The following RAF1 variants were observed in gnomAD, a reference collection of about 807,000 sequenced individuals.
The protein encoded by RAF1 is RAF proto-oncogene serine/threonine-protein kinase.
A neutral mutation model predicts 81.1 loss-of-function variants in RAF1; 27 were observed. The observed-to-expected ratio is 0.33, with a 90% confidence interval of 0.25 to 0.46. RAF1 has a LOEUF of 0.46. Ranked by LOEUF, RAF1 falls within the 20% of genes least tolerant of loss-of-function variation. The probability of loss-of-function intolerance (pLI) is 1.00; values close to 1 mark genes in which losing one functional copy is unlikely to be tolerated. For missense variants in RAF1, 598 were observed against 826.0 expected, an observed-to-expected ratio of 0.72 and a Z score of 3.38; for synonymous variants, 298 against 294.0, an observed-to-expected ratio of 1.01 and a Z score of -0.14.
At position 12,612,101 on chromosome 3, in the gene RAF1, G is replaced by A. The variant is rs769967651; in HGVS notation, c.208-39C>T. The stretch of plus-strand genomic sequence containing the variant: ...ACCACCTTTAGGACCAACACAGGCT[G>A]CAGCACCCCTTGGAAAGGTGGGCAC... On this transcript the variant is annotated intron_variant, in intron 2 of 17. Transcript: ENST00000442415. 2.6e-6 allele frequency: 4 copies of A among 1,516,422 alleles called. No homozygotes were observed. The South Asian group carries it at 3.4e-5, about 13-fold the overall frequency. The allele number at this position is 1,516,422 out of a possible 1,614,324, so 93.9% of individuals were successfully genotyped here. A position where few individuals can be genotyped will look rare whatever the true frequency, so the allele number is the denominator to read the frequency against.
chr3:12,639,316 T>C (rs745582860), intron 1 of RAF1, among the ~76,000 whole-genome samples: 29 of 152,100 alleles, frequency 1.9e-4, no homozygotes, highest in Non-Finnish European at 2.8e-4. Flanking sequence ...TGGCACCAGA[T>C]AGGGATGCCC....
At chr3:12,599,833 A>G (rs2058800968) in intron 10 of RAF1, 25 bp from the exon 10 acceptor site, 1 of 1,529,288 alleles carries the variant, frequency 6.5e-7, no homozygotes, top group Non-Finnish European at 9.1e-7. Flanking sequence ...GATCATTATT[A>G]TACTCCATGC....
At chr3:12,619,567 CAAA>C (rs544916552) in intron 1 of RAF1, among the ~76,000 whole-genome samples, 3 of 81,082 alleles carry the variant, frequency 3.7e-5, no homozygotes, top group Non-Finnish European at 5.3e-5. Flanking sequence ...CTCCATCTCC[CAAA>C]AAAAAAAAAA....
rs2059028663 is a variant in RAF1 at position 12,606,314 on chromosome 3, G to A, written c.582-15C>T. On this transcript the variant is annotated splice_polypyrimidine_tract_variant and intron_variant, in intron 5 of 17. Coordinates refer to ENST00000442415, the MANE Select transcript of RAF1 (RefSeq NM_001354689.3). ...TTGGAAACAATCTAAACAAAAGCAG[G>A]GAAAGACTGGTTTTTAGGCTTGCAG... 1 of 1,577,740 alleles carries A rather than the reference G, an allele frequency of 6.3e-7. No homozygotes were observed. Among genetic ancestry groups the A allele is most frequent in the Admixed American group, 1.7e-5 (1 of 59,648 alleles).
intron 5 of RAF1, among the ~76,000 whole-genome samples, chr3:12,607,446 G>C (rs189690160): frequency 6.6e-6 from 1 of 152,068 alleles, no homozygotes; most frequent in Non-Finnish European, 1.5e-5. Context: ...TCAGGAGTTC[G>C]AGACCAGCCT....
At chr3:12,643,752 A>T (rs1378681340) in intron 1 of RAF1, among the ~76,000 whole-genome samples, 3 of 152,178 alleles carry the variant, frequency 2.0e-5, no homozygotes, top group African/African-American at 2.4e-5. Flanking sequence ...AAAAAAAATA[A>T]AAATAAAAAC....
chr3:12,626,757 C>T (rs991599927), intron 1 of RAF1, among the ~76,000 whole-genome samples: 1 of 151,866 alleles, frequency 6.6e-6, no homozygotes, highest in African/African-American at 2.4e-5. Context: ...GGCGGGGTGG[C>T]TCACGCCTGT....
intron 13 of RAF1, chr3:12,588,971 C>T (rs2058417510): frequency 6.5e-6 from 1 of 152,964 alleles, no homozygotes; most frequent in African/African-American, 2.4e-5. Context: ...AGTCTGGGAC[C>T]TCCCTCCATG....
Position 12,663,688 on chromosome 3 carries a change from G to A in RAF1, c.-27+125C>T, listed in dbSNP as rs545433998. 2,963 of 388,338 alleles carry A rather than the reference G, an allele frequency of 7.6e-3. 37 individuals carry two copies. Among genetic ancestry groups the A allele is most frequent in the Non-Finnish European group, 7.8e-3 (1,707 of 219,966 alleles). The allele number at this position is 388,338 out of a possible 1,614,324, so 24.1% of individuals were successfully genotyped here. A position where few individuals can be genotyped will look rare whatever the true frequency, so the allele number is the denominator to read the frequency against. On this transcript the variant is annotated intron_variant, in intron 1 of 17. Transcript: ENST00000442415. The stretch of plus-strand genomic sequence containing the variant: ...CCAGGGTGACAACGGCCTGGCCCAA[G>A]CCCTCTGCCCGGCAGCCGCGGGGCC...
At chr3:12,584,722 C>G (rs2125318208) in intron 17 of RAF1, 65 bp from the exon 17 acceptor site, 2 of 1,613,010 alleles carry the variant, frequency 1.2e-6, no homozygotes, top group South Asian at 2.2e-5. Context: ...TACCCTGCCC[C>G]CCACCATCTT....
At chr3:12,659,715 A>C (rs1372475755) in intron 1 of RAF1, among the ~76,000 whole-genome samples, 1 of 152,184 alleles carries the variant, frequency 6.6e-6, no homozygotes, top group East Asian at 1.9e-4. Context: ...ACTAAGTCAA[A>C]AAGCTCAATT....
chr3:12,631,798 G>A (rs569684828), intron 1 of RAF1, among the ~76,000 whole-genome samples: 5 of 152,168 alleles, frequency 3.3e-5, no homozygotes, highest in Non-Finnish European at 7.3e-5. Context: ...GCATAAGCAT[G>A]AAGGATGGGG....
At chr3:12,587,724 C>G in intron 13 of RAF1, 87 bp from the exon 13 acceptor site, 1 of 1,116,980 alleles carries the variant, frequency 9.0e-7, no homozygotes, top group Non-Finnish European at 1.4e-6. Context: ...AGTAAAGCCA[C>G]TGAAGGCCTG....
rs965644954 is a variant in RAF1 at position 12,601,492 on chromosome 3, G to C, written c.895-1077C>G. ...AATCTAAAATTCATCGCTTGGAATA[G>C]AACAGTATAATAGAATAATATAAAA... On this transcript the variant is annotated intron_variant, in intron 8 of 17. Transcript: ENST00000442415. Among the ~76,000 whole-genome samples, 3 of 152,112 alleles carry C rather than the reference G, an allele frequency of 2.0e-5. No individual in the cohort carries two copies. In the South Asian group the frequency reaches 6.2e-4, roughly 31 times the overall value.
chr3:12,656,829 T>C (rs2125582250), intron 1 of RAF1, among the ~76,000 whole-genome samples: 1 of 152,084 alleles, frequency 6.6e-6, no homozygotes, highest in East Asian at 1.9e-4. Flanking sequence ...AAACCCCATC[T>C]CTACTAAAAA....
chr3:12,620,543 T>A (rs1185180216), intron 1 of RAF1, among the ~76,000 whole-genome samples: 2 of 152,122 alleles, frequency 1.3e-5, no homozygotes, highest in Non-Finnish European at 2.9e-5. Context: ...TGATCACAGC[T>A]CACTGCAGCT....
Position 12,583,979 on chromosome 3 carries a change from C to T in RAF1, c.*535G>A. The T allele has an allele frequency of 4.1e-6, 1 of 246,908 alleles. No homozygotes were observed. The highest frequency in any genetic ancestry group is 8.0e-6 in the Non-Finnish European group (1 of 124,796). The allele number at this position is 246,908 out of a possible 1,614,324, so 15.3% of individuals were successfully genotyped here. A position where few individuals can be genotyped will look rare whatever the true frequency, so the allele number is the denominator to read the frequency against. On this transcript the variant is annotated 3_prime_UTR_variant, in exon 18 of 18. Coordinates refer to ENST00000442415, the MANE Select transcript of RAF1 (RefSeq NM_001354689.3). ...AGGACGTGTCCCCTAAGAAAAGTTC[C>T]ATAGTACCAAAGCAGGCTCCTTCGG...
chr3:12,584,786 T>C (rs2058269230), intron 17 of RAF1, 61 bp downstream of exon 16: 2 of 1,613,686 alleles, frequency 1.2e-6, no homozygotes, highest in African/African-American at 2.7e-5. Flanking sequence ...TCCCACCTTA[T>C]ATTGCCATCT....
At chr3:12,591,954 C>CAAA in intron 11 of RAF1, 162 bp from the exon 11 acceptor site, 1 of 669,048 alleles carries the variant, frequency 1.5e-6, no homozygotes, top group Non-Finnish European at 2.7e-6. Context: ...GACAGGGTCT[C>CAAA]ACTCTGTTGT....
Sources: allele counts gnomAD v4.1 joint callset (sites outside exome capture counted in the v4.1 genomes callset), GRCh38; gene constraint gnomAD v4.1.1; transcripts MANE v1.5; gene names NCBI Gene and HGNC (gene_info 2026-07-23, HGNC 2026-07-21).